STMN4: variants seen among roughly 807,000 people sequenced by gnomAD.
STMN4 encodes the protein stathmin-4.
A neutral mutation model predicts 29.1 loss-of-function variants in STMN4; 12 were observed. The observed-to-expected ratio is 0.41, with a 90% CI of 0.26 to 0.67. The LOEUF is 0.67. Among genes scored for constraint, STMN4 ranks in the 30% least tolerant of loss-of-function variants. The pLI is 0.30. For missense variants in STMN4, 181 were observed against 262.8 expected, an observed-to-expected ratio of 0.69 and a Z score of 2.15; for synonymous variants, 114 against 105.3, an observed-to-expected ratio of 1.08 and a Z score of -0.51.
At chr8:27,246,325 A>C (rs959480106) in intron 1 of STMN4, among the ~76,000 whole-genome samples, 2 of 152,206 alleles carry the variant, frequency 1.3e-5, no homozygotes, top group Admixed American at 6.5e-5. Flanking sequence ...TTTGCAATGG[A>C]GACCTCTCAG....
Position 27,256,029 on chromosome 8 carries a change from T to G in STMN4, c.-79+2322A>C, listed in dbSNP as rs563796272. Among the ~76,000 whole-genome samples, 39 of 152,308 alleles carry G rather than the reference T, an allele frequency of 2.6e-4. No homozygotes were observed. The South Asian group carries it at 6.6e-3, about 26-fold the overall frequency. ...AATTACAACTTAAAGGCACTTATTT[T>G]TTACTTGGGAATAGGGACACACAGT... On this transcript the variant is annotated intron_variant, in intron 1 of 6. Transcript: ENST00000350889.
At chr8:27,246,318 G>T (rs1448269819) in intron 1 of STMN4, among the ~76,000 whole-genome samples, 1 of 152,212 alleles carries the variant, frequency 6.6e-6, no homozygotes, top group East Asian at 1.9e-4. Flanking sequence ...CAAGGGATTT[G>T]CAATGGAGAC....
chr8:27,236,842 G>C lies in STMN4; in HGVS notation c.*4C>G, dbSNP rs572298370. Reference sequence around the variant, plus strand: ...GACCTGGAAAGTTCTTTGGCCTCTAGGCTTTACCTGGAGGCCTCTTCCTTC... The same window carrying C: ...GACCTGGAAAGTTCTTTGGCCTCTACGCTTTACCTGGAGGCCTCTTCCTTC... On this transcript the variant is annotated 3_prime_UTR_variant, in exon 7 of 7. Transcript: ENST00000350889. 2.5e-6 allele frequency: 4 copies of C among 1,602,938 alleles called. No individual in the cohort carries two copies. The African/African-American group carries it at 4.0e-5, about 16-fold the overall frequency.
intron 1 of STMN4, among the ~76,000 whole-genome samples, chr8:27,246,600 A>T (rs1412830691): frequency 3.3e-5 from 5 of 151,938 alleles, no homozygotes; most frequent in Non-Finnish European, 7.4e-5. Flanking sequence ...TCAAGAAGAG[A>T]CATTCCTGCT....
chr8:27,253,230 T>C (rs1046773257), intron 1 of STMN4, among the ~76,000 whole-genome samples: 20 of 152,262 alleles, frequency 1.3e-4, no homozygotes, highest in African/African-American at 4.8e-4. Context: ...AGAAATTCCT[T>C]ATCTTTTGCA....
chr8:27,243,362 T>G (rs916389437), intron 2 of STMN4, among the ~76,000 whole-genome samples: 19 of 152,188 alleles, frequency 1.2e-4, no homozygotes, highest in African/African-American at 4.6e-4. Context: ...CATATGCCAC[T>G]ATACCTGGCT....
In STMN4 at chr8:27,235,720, C is replaced by G. The variant is rs1801296096; in HGVS notation, c.*1126G>C. The G allele has an allele frequency of 6.6e-6, 1 of 152,174 alleles. No homozygotes were observed. Among genetic ancestry groups the G allele is most frequent in the African/African-American group, 2.4e-5 (1 of 41,414 alleles). 9.4% of individuals were successfully genotyped at this position (152,174 alleles called of 1,614,324 possible). On this transcript the variant is annotated 3_prime_UTR_variant, in exon 7 of 7. Coordinates refer to ENST00000350889, the MANE Select transcript of STMN4 (RefSeq NM_030795.4). ...AGAGGTGAGATCATGAGGACTCCAC[C>G]TTCATGAATGGGATTAGTGCCTTAA...
At chr8:27,238,126 T>C (rs960530116) in intron 6 of STMN4, among the ~76,000 whole-genome samples, 2 of 152,174 alleles carry the variant, frequency 1.3e-5, no homozygotes, top group African/African-American at 2.4e-5. Context: ...GTTCCCAAAC[T>C]TTGGTATGTA....
At chr8:27,239,370 C>G (rs542375247) in intron 6 of STMN4, 39 of 1,416,224 alleles carry the variant, frequency 2.8e-5, no homozygotes, top group Non-Finnish European at 3.7e-5. Context: ...CCAGCGTGTT[C>G]TCAGCAGAAC....
At chr8:27,242,788 G>A (rs1801514453) in intron 2 of STMN4, among the ~76,000 whole-genome samples, 2 of 152,148 alleles carry the variant, frequency 1.3e-5, no homozygotes, top group African/African-American at 4.8e-5. Context: ...TGCCCTCATG[G>A]AAAGGTCCCA....
At chr8:27,243,444 A>C (rs890850417) in intron 2 of STMN4, among the ~76,000 whole-genome samples, 1 of 152,080 alleles carries the variant, frequency 6.6e-6, no homozygotes, top group Non-Finnish European at 1.5e-5. Flanking sequence ...TTAAAAAAAA[A>C]CACACATATA....
chr8:27,244,893 A>T (rs1216354782), intron 1 of STMN4, among the ~76,000 whole-genome samples: 1 of 152,168 alleles, frequency 6.6e-6, no homozygotes, highest in Non-Finnish European at 1.5e-5. Flanking sequence ...CCTCAGGACC[A>T]TTTGATCCTC....
At chr8:27,254,424 C>T (rs1465198087) in intron 1 of STMN4, among the ~76,000 whole-genome samples, 1 of 152,204 alleles carries the variant, frequency 6.6e-6, no homozygotes, top group Non-Finnish European at 1.5e-5. Context: ...CATCATGAAT[C>T]AGGCCATCCA....
chr8:27,236,948 C>A, intron 6 of STMN4, 43 bp from the exon 7 acceptor site: 1 of 1,579,964 alleles, frequency 6.3e-7, no homozygotes, highest in Non-Finnish European at 8.6e-7. Flanking sequence ...CACAAGGCTG[C>A]CCGGGGACAA....
rs771565792 is a variant in STMN4 at position 27,240,085 on chromosome 8, C to T, written c.477G>A (p.Glu159=). The change falls in exon 6 of 7, where the codon GAG becomes GAA. Residue 159 remains glutamate (E), a synonymous_variant. Coordinates refer to ENST00000350889, the MANE Select transcript of STMN4 (RefSeq NM_030795.4). ...CCATCTTGATGAAGTTGTTGTTTTCCTCAATGGCCTTTTGGATCACCTCTC... is the reference window on the plus strand; with the variant it reads ...CCATCTTGATGAAGTTGTTGTTTTCTTCAATGGCCTTTTGGATCACCTCTC... The part of the protein sequence containing the change: ...HEREVIQKAI[E]ENNNFIKMAK... 4.3e-6 allele frequency: 7 copies of T among 1,614,206 alleles called. No individual in the cohort carries two copies. The South Asian group carries it at 6.6e-5, about 15-fold the overall frequency.
chr8:27,242,120 C>T, intron 3 of STMN4: 1 of 564,000 alleles, frequency 1.8e-6, no homozygotes, highest in Admixed American at 3.0e-5. Context: ...CTTTGCATAC[C>T]CCCCAGTCTC....
intron 6 of STMN4, among the ~76,000 whole-genome samples, chr8:27,238,090 T>G (rs896649365): frequency 2.2e-4 from 34 of 151,930 alleles, no homozygotes; most frequent in African/African-American, 8.2e-4. Flanking sequence ...GGCCTAGGAG[T>G]GAGGAGTGGT....
chr8:27,242,853 TC>T, intron 2 of STMN4, among the ~76,000 whole-genome samples: 1 of 152,142 alleles, frequency 6.6e-6, no homozygotes, highest in Non-Finnish European at 1.5e-5. Context: ...ACATTCCGAT[TC>T]TTTTTCTCCA....
At chr8:27,242,628 G>A in intron 2 of STMN4, 136 bp from the exon 3 acceptor site, 3 of 794,516 alleles carry the variant, frequency 3.8e-6, no homozygotes, top group Admixed American at 4.8e-5. Flanking sequence ...CCAAGCCTGG[G>A]GATCCAGGCC....
Sources: allele counts gnomAD v4.1 joint callset (sites outside exome capture counted in the v4.1 genomes callset), GRCh38; gene constraint gnomAD v4.1.1; transcripts MANE v1.5; gene names NCBI Gene and HGNC (gene_info 2026-07-23, HGNC 2026-07-21).